The following POF1B variants were observed in gnomAD, a reference collection of about 807,000 sequenced individuals.
The protein encoded by POF1B is protein POF1B.
POF1B carries 53 observed loss-of-function variants against 55.3 expected under a neutral mutation model. The observed-to-expected ratio is 0.96, with a 90% CI of 0.77 to 1.20. POF1B has a LOEUF of 1.20. Ranked by LOEUF, POF1B falls within the 50% of genes most tolerant of loss-of-function variation. The pLI is 0.00. For missense variants in POF1B, 478 were observed against 420.5 expected, an observed-to-expected ratio of 1.14 and a Z score of -1.20; for synonymous variants, 188 against 148.3, an observed-to-expected ratio of 1.27 and a Z score of -1.95.
At chrX:85,356,682 A>G (rs1317939768) in intron 4 of POF1B, among the ~76,000 whole-genome samples, 2 of 111,441 alleles carry the variant, frequency 1.8e-5, no homozygotes, top group Non-Finnish European at 3.8e-5. Context: ...GACGTTTTAG[A>G]TGTCTCAACA....
At chrX:85,288,986 C>T (rs1167342961) in intron 15 of POF1B, among the ~76,000 whole-genome samples, 1 of 111,707 alleles carries the variant, frequency 9.0e-6, no homozygotes, top group Non-Finnish European at 1.9e-5. Flanking sequence ...TAAAAATCCA[C>T]ATCTAAGAAT....
At position 85,279,278 on chromosome X, in the gene POF1B, C is replaced by T. The variant is rs1443322589; in HGVS notation, c.*143G>A. The T allele has an allele frequency of 1.2e-5, 7 of 561,528 alleles. No homozygotes were observed. Among genetic ancestry groups the T allele is most frequent in the Non-Finnish European group, 1.4e-5 (5 of 348,206 alleles). The allele number at this position is 561,528 out of a possible 1,213,427, so 46.3% of individuals were successfully genotyped here. A position where few individuals can be genotyped will look rare whatever the true frequency, so the allele number is the denominator to read the frequency against. ...GAAATTGTCATCTACAGAACTAATT[C>T]ATTCCATTAGATTTCTTGGGTAGCA... On this transcript the variant is annotated 3_prime_UTR_variant, in exon 17 of 17. Transcript: ENST00000262753.
intron 7 of POF1B, among the ~76,000 whole-genome samples, chrX:85,328,259 C>T (rs972324723): frequency 6.5e-5 from 7 of 107,835 alleles, no homozygotes; most frequent in Admixed American, 6.0e-4. Context: ...GACTGGAGTG[C>T]AGTGGCGCGA....
At position 85,278,019 on chromosome X, in the gene POF1B, T is replaced by C. The variant is rs1490776205; in HGVS notation, c.*1402A>G. 9.0e-6 allele frequency: 1 copy of C among 111,146 alleles called. No individual in the cohort carries two copies. Among genetic ancestry groups the C allele is most frequent in the Non-Finnish European group, 1.9e-5 (1 of 52,600 alleles). 9.2% of individuals were successfully genotyped at this position (111,146 alleles called of 1,213,427 possible). A position where few individuals can be genotyped will look rare whatever the true frequency, so the allele number is the denominator to read the frequency against. On this transcript the variant is annotated 3_prime_UTR_variant, in exon 17 of 17. Coordinates refer to ENST00000262753, the MANE Select transcript of POF1B (RefSeq NM_024921.4). Reference sequence around the variant, plus strand: ...ATTAACATTTTTCTATCACAAAATATTGATAAAATTGGAATTGTATCAATT... The same window carrying C: ...ATTAACATTTTTCTATCACAAAATACTGATAAAATTGGAATTGTATCAATT...
intron 6 of POF1B, among the ~76,000 whole-genome samples, chrX:85,337,004 C>A (rs1933088444): frequency 9.0e-6 from 1 of 111,390 alleles, no homozygotes; most frequent in Non-Finnish European, 1.9e-5. Flanking sequence ...TAATTTCATC[C>A]TTTGCGTATG....
At chrX:85,306,423 T>A in intron 11 of POF1B, 90 bp from the exon 12 acceptor site, 1 of 929,766 alleles carries the variant, frequency 1.1e-6, no homozygotes, top group Non-Finnish European at 1.5e-6. Context: ...TTGAATCAAG[T>A]AAATATTTTC....
At chrX:85,343,155 G>A (rs758746709) in intron 6 of POF1B, among the ~76,000 whole-genome samples, 6 of 109,630 alleles carry the variant, frequency 5.5e-5, no homozygotes, top group Admixed American at 4.9e-4. Flanking sequence ...AAACCTGCAC[G>A]TTCTGTACAT....
intron 7 of POF1B, among the ~76,000 whole-genome samples, chrX:85,322,325 G>C (rs1257912730): frequency 6.3e-5 from 7 of 110,654 alleles, no homozygotes; most frequent in Non-Finnish European, 9.5e-5. Context: ...ACAAACCTGA[G>C]AAAAACAAGC....
At chrX:85,355,095 G>T (rs181412709) in intron 4 of POF1B, among the ~76,000 whole-genome samples, 305 of 111,394 alleles carry the variant, frequency 2.7e-3, no homozygotes, top group African/African-American at 9.5e-3. Context: ...GCATGGTACT[G>T]GTACCAAAAC....
intron 15 of POF1B, among the ~76,000 whole-genome samples, chrX:85,293,802 G>A (rs1461902095): frequency 9.0e-6 from 1 of 110,887 alleles, no homozygotes; most frequent in East Asian, 2.9e-4. Context: ...GTGAAACCCT[G>A]TCTGTACTAA....
Position 85,338,710 on chromosome X carries a change from G to C in POF1B, c.723+7150C>G, listed in dbSNP as rs192235718. On this transcript the variant is annotated intron_variant, in intron 6 of 16. Coordinates refer to ENST00000262753, the MANE Select transcript of POF1B (RefSeq NM_024921.4). Reference sequence around the variant, plus strand: ...GAAAACTTAACTTTCAGCTGTATGAGAGAGGTTGTATGAAGAAAGAATCAT... The same window carrying C: ...GAAAACTTAACTTTCAGCTGTATGACAGAGGTTGTATGAAGAAAGAATCAT... 3.1e-3 allele frequency among the ~76,000 whole-genome samples: 349 copies of C among 111,608 alleles called. 2 individuals carry two copies. Among genetic ancestry groups the C allele is most frequent in the African/African-American group, 0.011 (333 of 30,803 alleles).
intron 7 of POF1B, among the ~76,000 whole-genome samples, chrX:85,316,142 C>T (rs1014727383): frequency 2.7e-5 from 3 of 111,057 alleles, no homozygotes; most frequent in African/African-American, 9.8e-5. Context: ...GTGCTGATTC[C>T]ATCTTCTCTC....
At chrX:85,372,140 C>T (rs1351309942) in intron 2 of POF1B, among the ~76,000 whole-genome samples, 3 of 110,056 alleles carry the variant, frequency 2.7e-5, no homozygotes, top group Admixed American at 9.6e-5. Context: ...GTCAGGAAAT[C>T]GAGACCATCC....
intron 7 of POF1B, among the ~76,000 whole-genome samples, chrX:85,325,159 G>A (rs1010857916): frequency 1.8e-5 from 2 of 111,201 alleles, no homozygotes; most frequent in East Asian, 2.8e-4. Flanking sequence ...ATGACGATGT[G>A]TCTTGGGTGA....
intron 6 of POF1B, among the ~76,000 whole-genome samples, chrX:85,342,125 A>T (rs1394824943): frequency 8.9e-6 from 1 of 111,784 alleles, no homozygotes; most frequent in Non-Finnish European, 1.9e-5. Context: ...GAAAATGATC[A>T]CAGCAAGTTA....
chrX:85,341,053 TG>T lies in POF1B; in HGVS notation c.723+4806del, dbSNP rs1177331083. On this transcript the variant is annotated intron_variant, in intron 6 of 16. Transcript: ENST00000262753. ...AAAATAAATGGAGATTTAACTATATTGGGATGATGGAAGGGATGAAAACAGT... is the reference window on the plus strand; with the variant it reads ...AAAATAAATGGAGATTTAACTATATTGGATGATGGAAGGGATGAAAACAGT... Among the ~76,000 whole-genome samples, 4 of 110,796 alleles carry T rather than the reference TG, an allele frequency of 3.6e-5. No homozygotes were observed. The East Asian group carries it at 8.5e-4, about 24-fold the overall frequency.
chrX:85,326,584 C>T (rs1269547796), intron 7 of POF1B, among the ~76,000 whole-genome samples: 2 of 110,631 alleles, frequency 1.8e-5, no homozygotes, highest in Non-Finnish European at 3.8e-5. Context: ...GATGCACGGA[C>T]GCTGGCAGCT....
At chrX:85,296,061 C>G (rs996303775) in intron 15 of POF1B, among the ~76,000 whole-genome samples, 2 of 112,006 alleles carry the variant, frequency 1.8e-5, no homozygotes, top group African/African-American at 6.5e-5. Context: ...GTAACCCCTG[C>G]TCTTTTTTTG....
intron 4 of POF1B, among the ~76,000 whole-genome samples, chrX:85,356,347 C>T (rs1933497929): frequency 9.2e-6 from 1 of 109,119 alleles, no homozygotes; most frequent in South Asian, 4.0e-4. Context: ...AGGAGATATA[C>T]CTAATGTTAA....
Sources: allele counts gnomAD v4.1 joint callset (sites outside exome capture counted in the v4.1 genomes callset), GRCh38; gene constraint gnomAD v4.1.1; transcripts MANE v1.5; gene names NCBI Gene and HGNC (gene_info 2026-07-23, HGNC 2026-07-21).